The following TTC39B variants were observed in gnomAD, a reference collection of about 807,000 sequenced individuals.
TTC39B encodes the protein tetratricopeptide repeat protein 39B.
In TTC39B, 92 loss-of-function variants were observed where a neutral mutation model predicts 96.6. That is an observed-to-expected ratio of 0.95 (90% CI 0.80 to 1.13). The LOEUF (loss-of-function observed/expected upper bound fraction) is 1.13. TTC39B is among the 50% of genes most tolerant of loss of function. The probability of loss-of-function intolerance (pLI) is 0.00; values close to 1 mark genes in which losing one functional copy is unlikely to be tolerated. For synonymous variants in TTC39B, 367 were observed against 299.4 expected, an observed-to-expected ratio of 1.23 and a Z score of -2.33; for missense variants, 955 against 809.3, an observed-to-expected ratio of 1.18 and a Z score of -2.18.
chr9:15,194,849 C>T (rs1017234826), intron 8 of TTC39B, among the ~76,000 whole-genome samples: 6 of 152,196 alleles, frequency 3.9e-5, no homozygotes, highest in African/African-American at 1.4e-4. Flanking sequence ...TCTGACTGCT[C>T]TACTGATAGG....
exon 20 of TTC39B, chr9:15,167,024 ATATATTTTTTTT>A (rs1817541176): frequency 8.6e-5 from 1 of 11,624 alleles, no homozygotes; most frequent in Non-Finnish European, 1.4e-4. Flanking sequence ...ATATATATAT[ATATATTTTTTTT>A]TTTTTTTTTT....
chr9:15,246,834 AG>A (rs1379929435), intron 2 of TTC39B, among the ~76,000 whole-genome samples: 1 of 152,258 alleles, frequency 6.6e-6, no homozygotes, highest in Non-Finnish European at 1.5e-5. Flanking sequence ...GGTGATTCCA[AG>A]TGGGCAGAGA....
At chr9:15,191,017 A>G (rs1414437406) in intron 10 of TTC39B, among the ~76,000 whole-genome samples, 173 bp downstream of exon 10, 2 of 152,184 alleles carry the variant, frequency 1.3e-5, no homozygotes, top group African/African-American at 4.8e-5. Context: ...CATCAGAAAA[A>G]CTATGTCTAA....
chr9:15,283,783 A>G (rs577987132), intron 1 of TTC39B, among the ~76,000 whole-genome samples: 1 of 152,320 alleles, frequency 6.6e-6, no homozygotes, highest in Admixed American at 6.5e-5. Context: ...AAAATATTTA[A>G]TAACTGATGC....
At chr9:15,215,304 T>G (rs555008932) in intron 3 of TTC39B, among the ~76,000 whole-genome samples, 13 of 151,702 alleles carry the variant, frequency 8.6e-5, no homozygotes, top group Non-Finnish European at 4.4e-5. Flanking sequence ...GTGCCTGTAA[T>G]CTCAGCACTT....
intron 2 of TTC39B, among the ~76,000 whole-genome samples, chr9:15,245,139 A>G (rs1428274149): frequency 6.6e-6 from 1 of 152,220 alleles, no homozygotes; most frequent in African/African-American, 2.4e-5. Context: ...CTGCTTGATG[A>G]ATGAATGACA....
chr9:15,252,784 G>A (rs1822611321), intron 2 of TTC39B, among the ~76,000 whole-genome samples: 1 of 152,162 alleles, frequency 6.6e-6, no homozygotes, highest in South Asian at 2.1e-4. Context: ...ATCGTAGGGG[G>A]AACTAGGTAT....
intron 1 of TTC39B, among the ~76,000 whole-genome samples, chr9:15,301,789 T>C (rs1458802862): frequency 1.3e-5 from 2 of 149,476 alleles, no homozygotes; most frequent in Non-Finnish European, 3.0e-5. Flanking sequence ...AGAAAGAAAA[T>C]TGTGGTAATG....
exon 20 of TTC39B, chr9:15,164,013 G>C (rs181752168): frequency 1.3e-5 from 2 of 152,120 alleles, no homozygotes; most frequent in African/African-American, 4.8e-5. Context: ...AATATCAGAG[G>C]TTCACAGTTT....
At chr9:15,271,096 A>G (rs1823334060) in intron 1 of TTC39B, among the ~76,000 whole-genome samples, 1 of 152,080 alleles carries the variant, frequency 6.6e-6, no homozygotes, top group Non-Finnish European at 1.5e-5. Flanking sequence ...ATTAATGTCA[A>G]TACAAACTAT....
intron 1 of TTC39B, among the ~76,000 whole-genome samples, chr9:15,284,448 G>A (rs113637932): frequency 4.1e-4 from 63 of 152,228 alleles, no homozygotes; most frequent in African/African-American, 1.4e-3. Context: ...ACTGTGCTGC[G>A]AAAGAAATTA....
chr9:15,238,024 C>G (rs1222304458), intron 2 of TTC39B, among the ~76,000 whole-genome samples: 1 of 152,156 alleles, frequency 6.6e-6, no homozygotes, highest in Non-Finnish European at 1.5e-5. Flanking sequence ...GTATGATTAT[C>G]TCAATAGACA....
chr9:15,191,715 G>C lies in TTC39B; in HGVS notation c.931-460C>G, dbSNP rs149658524. 1.0e-2 allele frequency among the ~76,000 whole-genome samples: 1,521 copies of C among 152,284 alleles called. 54 individuals are homozygous for C. The highest frequency in any genetic ancestry group is 0.063 in the Admixed American group (956 of 15,294). On this transcript the variant is annotated intron_variant, in intron 9 of 19. Transcript: ENST00000512701. The stretch of plus-strand genomic sequence containing the variant: ...TGGTGAGGGAATATCCTTCCAGTGG[G>C]CAGAACCCTGGGCAGTGCACCTGGT...
At chr9:15,211,534 G>T in intron 4 of TTC39B, 137 bp from the exon 5 acceptor site, 1 of 778,498 alleles carries the variant, frequency 1.3e-6, no homozygotes. Context: ...TATGGGTGGT[G>T]AAAAGTAACC....
intron 15 of TTC39B, 36 bp from the exon 16 acceptor site, chr9:15,185,442 C>G: frequency 1.9e-6 from 3 of 1,609,786 alleles, no homozygotes; most frequent in Non-Finnish European, 2.5e-6. Flanking sequence ...AGAGAAAGGT[C>G]ATGGCAACAC....
In TTC39B at chr9:15,195,670, C is replaced by CAAAA. The variant is rs35318510; in HGVS notation, c.825-2979_825-2976dup. Among the ~76,000 whole-genome samples the CAAAA allele has an allele frequency of 2.0e-4, 13 of 66,308 alleles. 1 individual carries two copies. The highest frequency in any genetic ancestry group is 6.2e-4 in the South Asian group (1 of 1,626). 43.5% of individuals were successfully genotyped at this position (66,308 alleles called of 152,430 possible). On this transcript the variant is annotated intron_variant, in intron 8 of 19. Coordinates refer to ENST00000512701, the Ensembl canonical transcript of TTC39B. ...GGGTGACAAAGGGAGACTCCATCTC[C>CAAAA]AAAAAAAAAAAAAAAAAAAAAAAGT...
At chr9:15,226,175 T>C (rs1056817280) in intron 2 of TTC39B, among the ~76,000 whole-genome samples, 163 bp from the exon 3 acceptor site, 3 of 152,360 alleles carry the variant, frequency 2.0e-5, no homozygotes, top group East Asian at 3.9e-4. Flanking sequence ...TACTGTTATG[T>C]GTCAAACATT....
exon 20 of TTC39B, chr9:15,169,515 A>G (rs1817590057): frequency 6.6e-6 from 1 of 152,158 alleles, no homozygotes; most frequent in South Asian, 2.1e-4. Context: ...ACCCAACCCC[A>G]TCATAAATGC....
chr9:15,279,598 T>C (rs962351669), intron 1 of TTC39B, among the ~76,000 whole-genome samples: 1 of 152,192 alleles, frequency 6.6e-6, no homozygotes, highest in Non-Finnish European at 1.5e-5. Context: ...TGAAAAGCAC[T>C]TAGAACAATG....
Sources: gnomAD v4.1 joint callset for allele counts (sites outside exome capture counted in the v4.1 genomes callset) on GRCh38, gnomAD v4.1.1 for gene constraint, MANE v1.5 for transcripts, NCBI Gene and HGNC (gene_info 2026-07-23, HGNC 2026-07-21) for gene names.